The following CTNNA3 variants were observed in gnomAD, a reference collection of about 807,000 sequenced individuals.
CTNNA3 encodes the protein catenin alpha 3.
In CTNNA3, 76 loss-of-function variants were observed where a neutral mutation model predicts 95.7. The ratio of observed to expected loss-of-function variants is 0.79; its 90% confidence interval spans 0.66 to 0.96. The LOEUF (loss-of-function observed/expected upper bound fraction) is 0.96, where lower values mean the gene tolerates loss of function less well. Among genes scored for constraint, CTNNA3 ranks in the 40% least tolerant of loss-of-function variants. The pLI is 0.00. For synonymous variants in CTNNA3, 431 were observed against 374.4 expected, an observed-to-expected ratio of 1.15 and a Z score of -1.74; for missense variants, 1,191 against 1,089.8, an observed-to-expected ratio of 1.09 and a Z score of -1.31.
intron 11 of CTNNA3, among the ~76,000 whole-genome samples, chr10:66,420,487 A>G (rs2093182041): frequency 1.3e-5 from 2 of 152,062 alleles, no homozygotes; most frequent in South Asian, 4.1e-4. Flanking sequence ...GGGAATGTAA[A>G]TTAGTACAAC....
chr10:66,508,270 C>A (rs1725354723), intron 11 of CTNNA3, among the ~76,000 whole-genome samples: 1 of 148,148 alleles, frequency 6.8e-6, no homozygotes, highest in Admixed American at 6.8e-5. Flanking sequence ...GGGCTGGGAC[C>A]TTTGTCCAGC....
At chr10:67,640,713 C>T (rs1839499920) in intron 2 of CTNNA3, among the ~76,000 whole-genome samples, 1 of 152,048 alleles carries the variant, frequency 6.6e-6, no homozygotes, top group African/African-American at 2.4e-5. Context: ...CAAGTACAAC[C>T]ATCTGATCTT....
chr10:66,163,813 A>G lies in CTNNA3; in HGVS notation c.1885-60564T>C, dbSNP rs1263165382. 3.3e-5 allele frequency among the ~76,000 whole-genome samples: 5 copies of G among 152,152 alleles called. No individual in the cohort carries two copies. The East Asian group carries it at 5.8e-4, about 18-fold the overall frequency. On this transcript the variant is annotated intron_variant, in intron 13 of 17. Coordinates refer to ENST00000433211, the MANE Select transcript of CTNNA3 (RefSeq NM_013266.4). ...AGTTATTTAGCCTCTTTCATCTTCAATGTTTTCATATGATCTATGGTGCAA... is the reference window on the plus strand; with the variant it reads ...AGTTATTTAGCCTCTTTCATCTTCAGTGTTTTCATATGATCTATGGTGCAA...
chr10:66,727,185 G>A (rs1848807784), intron 9 of CTNNA3, among the ~76,000 whole-genome samples: 1 of 152,034 alleles, frequency 6.6e-6, no homozygotes, highest in African/African-American at 2.4e-5. Context: ...AAAGAGGAAA[G>A]TCAAGCTTCA....
At chr10:66,553,717 C>T (rs1216237599) in intron 10 of CTNNA3, among the ~76,000 whole-genome samples, 1 of 151,306 alleles carries the variant, frequency 6.6e-6, no homozygotes, top group Non-Finnish European at 1.5e-5. Context: ...TTAGTAGAGA[C>T]AGGGTTTCAC....
At chr10:67,188,882 G>T (rs1171652348) in intron 6 of CTNNA3, among the ~76,000 whole-genome samples, 1 of 152,066 alleles carries the variant, frequency 6.6e-6, no homozygotes, top group Non-Finnish European at 1.5e-5. Context: ...GGCTGAGGTG[G>T]GTGGCTGGTG....
intron 7 of CTNNA3, among the ~76,000 whole-genome samples, chr10:66,983,544 C>A (rs1451483714): frequency 6.6e-6 from 1 of 151,392 alleles, no homozygotes; most frequent in Admixed American, 6.6e-5. Context: ...TTCTTCCCAA[C>A]CATGGTAACA....
At chr10:66,628,857 C>T (rs1845032558) in intron 9 of CTNNA3, among the ~76,000 whole-genome samples, 1 of 151,924 alleles carries the variant, frequency 6.6e-6, no homozygotes, top group Non-Finnish European at 1.5e-5. Flanking sequence ...AAGACATAAA[C>T]TACATATAGT....
intron 11 of CTNNA3, among the ~76,000 whole-genome samples, chr10:66,430,432 C>T (rs569514842): frequency 1.3e-5 from 2 of 152,274 alleles, no homozygotes; most frequent in South Asian, 4.1e-4. Flanking sequence ...CAAAAAAGAG[C>T]CTGCATTGCC....
At chr10:66,423,431 A>G (rs1397769935) in intron 11 of CTNNA3, among the ~76,000 whole-genome samples, 1 of 152,186 alleles carries the variant, frequency 6.6e-6, no homozygotes, top group Non-Finnish European at 1.5e-5. Context: ...TGTCTTGGAC[A>G]AGCACTATCA....
chr10:66,541,432 C>T (rs1841846975), intron 10 of CTNNA3, among the ~76,000 whole-genome samples: 1 of 152,060 alleles, frequency 6.6e-6, no homozygotes, highest in Non-Finnish European at 1.5e-5. Context: ...ATTAGCCTTC[C>T]ATTGCTTCCC....
intron 10 of CTNNA3, among the ~76,000 whole-genome samples, chr10:66,522,692 A>G (rs931812892): frequency 6.6e-6 from 1 of 151,786 alleles, no homozygotes; most frequent in Non-Finnish European, 1.5e-5. Flanking sequence ...TATTAGCAGC[A>G]TTAGAACAGA....
chr10:66,679,394 C>A (rs906270409), intron 9 of CTNNA3, among the ~76,000 whole-genome samples: 3 of 152,112 alleles, frequency 2.0e-5, no homozygotes, highest in African/African-American at 7.2e-5. Context: ...GTGTAACAAA[C>A]AAGAATTCAG....
At position 66,388,114 on chromosome 10, in the gene CTNNA3, T is replaced by C. The variant is rs146703581; in HGVS notation, c.1532-8762A>G. 3.8e-3 allele frequency among the ~76,000 whole-genome samples: 572 copies of C among 152,120 alleles called. 5 individuals are homozygous for C. Among genetic ancestry groups the C allele is most frequent in the African/African-American group, 0.013 (533 of 41,542 alleles). ...TATAGTAGTAAAAGAAAGAAGAAGC[T>C]ACTATTTTCAAGTATATTGGCAAGG... is the stretch of plus-strand genomic sequence containing the variant. On this transcript the variant is annotated intron_variant, in intron 11 of 17. Coordinates refer to ENST00000433211, the MANE Select transcript of CTNNA3 (RefSeq NM_013266.4).
At chr10:66,793,691 A>G (rs1239619734) in intron 7 of CTNNA3, among the ~76,000 whole-genome samples, 1 of 152,116 alleles carries the variant, frequency 6.6e-6, no homozygotes. Flanking sequence ...ACTTTACTAT[A>G]CACTATGTAT....
At chr10:66,721,996 T>G (rs1460187809) in intron 9 of CTNNA3, among the ~76,000 whole-genome samples, 1 of 152,170 alleles carries the variant, frequency 6.6e-6, no homozygotes, top group Non-Finnish European at 1.5e-5. Flanking sequence ...TGAGTGACAT[T>G]AGGAAACTGA....
chr10:67,199,965 T>C (rs1863566209), intron 6 of CTNNA3, among the ~76,000 whole-genome samples: 1 of 152,182 alleles, frequency 6.6e-6, no homozygotes, highest in Non-Finnish European at 1.5e-5. Context: ...AGTTAACTAC[T>C]ACGAATACCA....
chr10:65,937,860 A>C (rs2077367831), intron 17 of CTNNA3, among the ~76,000 whole-genome samples: 1 of 152,136 alleles, frequency 6.6e-6, no homozygotes, highest in African/African-American at 2.4e-5. Context: ...AGATCATGAC[A>C]CTTTGCAAGC....
In CTNNA3 at chr10:66,362,624, A is replaced by G. The variant is rs113172519; in HGVS notation, c.1732+16528T>C. 2.5e-3 allele frequency among the ~76,000 whole-genome samples: 384 copies of G among 151,904 alleles called. 1 individual carries two copies. The highest frequency in any genetic ancestry group is 8.8e-3 in the African/African-American group (367 of 41,480). On this transcript the variant is annotated intron_variant, in intron 12 of 17. Transcript: ENST00000433211. The stretch of plus-strand genomic sequence containing the variant: ...GATACTCGGGAGGTTGAAGTGGGAG[A>G]ATCACTTGAACCTGGGAGACAAAGG...
Sources: gnomAD v4.1 joint callset for allele counts (sites outside exome capture counted in the v4.1 genomes callset) on GRCh38, gnomAD v4.1.1 for gene constraint, MANE v1.5 for transcripts, NCBI Gene and HGNC (gene_info 2026-07-23, HGNC 2026-07-21) for gene names.